Variants in BCKDHB observed in about 807,000 individuals in gnomAD.
BCKDHB encodes 2-oxoisovalerate dehydrogenase subunit beta, mitochondrial.
BCKDHB carries 41 observed loss-of-function variants against 48.5 expected under a neutral mutation model. The ratio of observed to expected loss-of-function variants is 0.85; its 90% confidence interval spans 0.66 to 1.10. The LOEUF (loss-of-function observed/expected upper bound fraction) is 1.10, where lower values mean the gene tolerates loss of function less well. Ranked by LOEUF, BCKDHB falls within the 50% of genes least tolerant of loss-of-function variation. The probability of loss-of-function intolerance (pLI) is 0.00; values close to 1 mark genes in which losing one functional copy is unlikely to be tolerated. For missense variants in BCKDHB, 496 were observed against 494.2 expected (o/e 1.00, Z -0.03); for synonymous variants, 201 against 174.8 (o/e 1.15, Z -1.18).
intron 3 of BCKDHB, among the ~76,000 whole-genome samples, chr6:80,145,909 A>G (rs1454352120): frequency 6.6e-6 from 1 of 152,130 alleles, no homozygotes; most frequent in African/African-American, 2.4e-5. Flanking sequence ...ACAGAGACCA[A>G]TTTATTAGCT....
chr6:80,256,659 C>T (rs965805946), intron 8 of BCKDHB, among the ~76,000 whole-genome samples: 5 of 152,122 alleles, frequency 3.3e-5, no homozygotes, highest in Admixed American at 6.6e-5. Flanking sequence ...GGAAAGTTAA[C>T]AGTCTCAGGT....
At chr6:80,283,807 C>A (rs72896461) in intron 9 of BCKDHB, among the ~76,000 whole-genome samples, 1 of 151,922 alleles carries the variant, frequency 6.6e-6, no homozygotes, top group African/African-American at 2.4e-5. Flanking sequence ...AAATGTACAG[C>A]CTTATCTTCA....
the BCKDHB span, among the ~76,000 whole-genome samples, chr6:80,386,404 C>A: frequency 3.9e-5 from 6 of 151,970 alleles, no homozygotes; most frequent in Non-Finnish European, 8.8e-5. Flanking sequence ...AGATCATGTT[C>A]TTTGCAGGAA....
chr6:80,387,737 G>A, the BCKDHB span, among the ~76,000 whole-genome samples: 25 of 152,224 alleles, frequency 1.6e-4, no homozygotes, highest in African/African-American at 5.8e-4. Context: ...TACTGTTACT[G>A]TCCTACCTCA....
rs150599736 is a variant in BCKDHB, at chr6:80,155,688, G to A, written c.344-11990G>A. On this transcript the variant is annotated intron_variant, in intron 3 of 9. Coordinates refer to ENST00000320393, the MANE Select transcript of BCKDHB (RefSeq NM_183050.4). ...TGTTCTTAATTTACTTAAAGAACAC[G>A]TTTTTACCCCTTGTGGGATTACTGG... 1.8e-3 allele frequency among the ~76,000 whole-genome samples: 267 copies of A among 151,988 alleles called. 1 individual carries two copies. The highest frequency in any genetic ancestry group is 6.0e-3 in the African/African-American group (251 of 41,508).
At chr6:80,203,921 A>G (rs1774515745) in intron 8 of BCKDHB, among the ~76,000 whole-genome samples, 1 of 151,778 alleles carries the variant, frequency 6.6e-6, no homozygotes, top group African/African-American at 2.4e-5. Flanking sequence ...AAAGAAGGTT[A>G]AGCACTCTGT....
the BCKDHB span, among the ~76,000 whole-genome samples, chr6:80,408,711 A>G: frequency 6.7e-6 from 1 of 149,438 alleles, no homozygotes; most frequent in South Asian, 2.1e-4. Flanking sequence ...TATTCCTCTT[A>G]TCATTTTTTA....
chr6:80,282,539 T>A (rs1005593017), intron 9 of BCKDHB, among the ~76,000 whole-genome samples: 1 of 152,122 alleles, frequency 6.6e-6, no homozygotes, highest in Non-Finnish European at 1.5e-5. Context: ...AAGTTATGAT[T>A]TGTCCACTTG....
the BCKDHB span, among the ~76,000 whole-genome samples, chr6:80,465,429 G>A: frequency 6.6e-6 from 1 of 152,156 alleles, no homozygotes; most frequent in Non-Finnish European, 1.5e-5. Flanking sequence ...TCTGAATGTT[G>A]TATACCAGGA....
intron 3 of BCKDHB, among the ~76,000 whole-genome samples, chr6:80,148,364 T>C (rs1005617322): frequency 2.0e-5 from 3 of 152,138 alleles, no homozygotes; most frequent in Non-Finnish European, 4.4e-5. Flanking sequence ...GAAACCTTTC[T>C]GCTTGCATTT....
the BCKDHB span, among the ~76,000 whole-genome samples, chr6:80,421,661 C>T: frequency 2.6e-5 from 4 of 152,140 alleles, no homozygotes; most frequent in African/African-American, 4.8e-5. Flanking sequence ...GTTACTCTTA[C>T]CATGCTTTAG....
At chr6:80,210,795 G>C (rs571937222) in intron 8 of BCKDHB, among the ~76,000 whole-genome samples, 1 of 152,222 alleles carries the variant, frequency 6.6e-6, no homozygotes, top group Admixed American at 6.5e-5. Context: ...TGAAACAGGA[G>C]CTCATAAGTA....
At chr6:80,237,473 A>G (rs1180964412) in intron 8 of BCKDHB, among the ~76,000 whole-genome samples, 1 of 152,224 alleles carries the variant, frequency 6.6e-6, no homozygotes, top group Admixed American at 6.5e-5. Context: ...TTGCGAAAAA[A>G]TAATGCCTGT....
intron 6 of BCKDHB, among the ~76,000 whole-genome samples, chr6:80,186,812 A>G (rs1229980574): frequency 6.6e-6 from 1 of 152,166 alleles, no homozygotes; most frequent in African/African-American, 2.4e-5. Flanking sequence ...TTCTACTTTG[A>G]TATTTCACTT....
chr6:80,357,040 T>C, the BCKDHB span, among the ~76,000 whole-genome samples: 1 of 149,740 alleles, frequency 6.7e-6, no homozygotes, highest in East Asian at 2.0e-4. Flanking sequence ...CTTTTAAAGT[T>C]TGACTTTTTA....
intron 9 of BCKDHB, among the ~76,000 whole-genome samples, chr6:80,338,534 G>A (rs3805862): frequency 0.075 from 11,467 of 152,140 alleles, 614 homozygotes; most frequent in South Asian, 0.24. Flanking sequence ...CAGGCCTTAC[G>A]TATTTTTGGT....
At chr6:80,307,534 T>TG (rs1363404642) in intron 9 of BCKDHB, 1 of 984,922 alleles carries the variant, frequency 1.0e-6, no homozygotes, top group East Asian at 1.1e-4. Flanking sequence ...AAATTAAAAC[T>TG]TAAACGTCTC....
intron 9 of BCKDHB, among the ~76,000 whole-genome samples, chr6:80,317,617 A>G (rs1189789166): frequency 1.3e-5 from 2 of 152,176 alleles, no homozygotes; most frequent in Non-Finnish European, 2.9e-5. Context: ...TCCCATCTCA[A>G]GGTTTTTAAT....
the BCKDHB span, among the ~76,000 whole-genome samples, chr6:80,426,853 T>C: frequency 6.6e-6 from 1 of 152,158 alleles, no homozygotes; most frequent in Admixed American, 6.5e-5. Context: ...GATAGTGTTG[T>C]CCACATCTTG....
Sources: allele counts gnomAD v4.1 joint callset (sites outside exome capture counted in the v4.1 genomes callset), GRCh38; gene constraint gnomAD v4.1.1; transcripts MANE v1.5; gene names NCBI Gene and HGNC (gene_info 2026-07-23, HGNC 2026-07-21).